The following SGCZ variants were observed in gnomAD, a reference collection of about 807,000 sequenced individuals.
SGCZ encodes sarcoglycan zeta.
SGCZ carries 40 observed loss-of-function variants against 41.3 expected under a neutral mutation model. That is an observed-to-expected ratio of 0.97 (90% CI 0.75 to 1.26). The LOEUF (loss-of-function observed/expected upper bound fraction) is 1.26, where lower values mean the gene tolerates loss of function less well. SGCZ is among the 50% of genes most tolerant of loss of function. The pLI is 0.00. For synonymous variants in SGCZ, 206 were observed against 137.5 expected (o/e 1.50, Z -3.49); for missense variants, 552 against 369.8 (o/e 1.49, Z -4.04).
intron 1 of SGCZ, among the ~76,000 whole-genome samples, chr8:14,953,813 A>G (rs1800717290): frequency 6.6e-6 from 1 of 152,234 alleles, no homozygotes; most frequent in African/African-American, 2.4e-5. Context: ...CTCAAGCAAT[A>G]TACACTATTA....
At chr8:14,335,916 G>A (rs906842346) in intron 2 of SGCZ, among the ~76,000 whole-genome samples, 5 of 151,734 alleles carry the variant, frequency 3.3e-5, no homozygotes, top group African/African-American at 9.7e-5. Context: ...TTTTACAACC[G>A]TATTTTTTAA....
At chr8:14,417,255 T>A (rs547859969) in intron 2 of SGCZ, among the ~76,000 whole-genome samples, 1 of 152,000 alleles carries the variant, frequency 6.6e-6, no homozygotes, top group Admixed American at 6.6e-5. Flanking sequence ...GCAAGTATAG[T>A]CCAAAATGGA....
intron 1 of SGCZ, among the ~76,000 whole-genome samples, chr8:15,171,763 G>C (rs137963245): frequency 2.0e-5 from 3 of 152,110 alleles, no homozygotes. Context: ...TCTCAGATGT[G>C]GTATGTGTCG....
At chr8:14,665,077 A>G (rs1434503426) in intron 1 of SGCZ, among the ~76,000 whole-genome samples, 1 of 152,224 alleles carries the variant, frequency 6.6e-6, no homozygotes, top group Non-Finnish European at 1.5e-5. Context: ...GGTTTGTTAC[A>G]TATGTATACA....
chr8:14,465,129 C>T lies in SGCZ; in HGVS notation c.234+89603G>A, dbSNP rs189164941. On this transcript the variant is annotated intron_variant, in intron 2 of 7. Transcript: ENST00000382080. The stretch of plus-strand genomic sequence containing the variant: ...ATTGTTCATGTCCCCTAATTCCTTA[C>T]TTCTGATGTTTCTCCCTATTATTGA... Among the ~76,000 whole-genome samples, 533 of 151,710 alleles carry T rather than the reference C, an allele frequency of 3.5e-3. 2 individuals are homozygous for T. The highest frequency in any genetic ancestry group is 8.6e-3 in the Admixed American group (130 of 15,180).
intron 1 of SGCZ, among the ~76,000 whole-genome samples, chr8:15,034,371 G>C (rs1803794517): frequency 6.6e-6 from 1 of 152,008 alleles, no homozygotes; most frequent in Admixed American, 6.6e-5. Context: ...GCAGAAAAAA[G>C]ATCCTGTGAA....
chr8:14,972,499 A>G (rs542745696), intron 1 of SGCZ, among the ~76,000 whole-genome samples: 1 of 152,302 alleles, frequency 6.6e-6, no homozygotes, highest in Admixed American at 6.5e-5. Flanking sequence ...AGACCATTAA[A>G]TGTAATGTGA....
intron 1 of SGCZ, among the ~76,000 whole-genome samples, chr8:14,632,758 T>C (rs888733057): frequency 1.3e-5 from 2 of 152,036 alleles, no homozygotes; most frequent in African/African-American, 4.8e-5. Flanking sequence ...ATTCTATTTC[T>C]ATATTGATTT....
At chr8:14,217,908 G>A (rs767922104) in intron 4 of SGCZ, among the ~76,000 whole-genome samples, 26 of 152,046 alleles carry the variant, frequency 1.7e-4, no homozygotes, top group Non-Finnish European at 3.2e-4. Flanking sequence ...TGGGATTACA[G>A]GTGTGAGCCA....
At chr8:15,149,329 T>C (rs1329817238) in intron 1 of SGCZ, among the ~76,000 whole-genome samples, 3 of 152,176 alleles carry the variant, frequency 2.0e-5, no homozygotes, top group Non-Finnish European at 4.4e-5. Flanking sequence ...AGGATTGGTG[T>C]GCAGAATAAA....
At chr8:14,169,455 C>A (rs1282268957) in intron 4 of SGCZ, among the ~76,000 whole-genome samples, 1 of 152,082 alleles carries the variant, frequency 6.6e-6, no homozygotes, top group Non-Finnish European at 1.5e-5. Flanking sequence ...AATTAAGGGG[C>A]CAATCCTTGA....
At chr8:14,627,432 T>A (rs1585136385) in intron 1 of SGCZ, among the ~76,000 whole-genome samples, 1 of 152,118 alleles carries the variant, frequency 6.6e-6, no homozygotes, top group African/African-American at 2.4e-5. Flanking sequence ...TGATCCATTG[T>A]GTTTCTTCTT....
chr8:14,238,350 G>A (rs1294080580), intron 3 of SGCZ, among the ~76,000 whole-genome samples: 1 of 152,056 alleles, frequency 6.6e-6, no homozygotes, highest in Non-Finnish European at 1.5e-5. Context: ...TGTTGACTGA[G>A]TAGATAAAAA....
intron 1 of SGCZ, among the ~76,000 whole-genome samples, chr8:14,778,213 G>A (rs1236126085): frequency 6.6e-6 from 1 of 152,102 alleles, no homozygotes; most frequent in African/African-American, 2.4e-5. Flanking sequence ...GCATGAGCCA[G>A]CTAAAAATCT....
At chr8:14,659,543 G>T (rs1807681222) in intron 1 of SGCZ, among the ~76,000 whole-genome samples, 1 of 151,976 alleles carries the variant, frequency 6.6e-6, no homozygotes. Flanking sequence ...TAATAATTTT[G>T]GTAGCCAAAT....
In SGCZ at chr8:14,942,552, C is replaced by G. The variant is rs544504740; in HGVS notation, c.39+295033G>C. Among the ~76,000 whole-genome samples the G allele has an allele frequency of 5.3e-5, 8 of 152,204 alleles. No homozygotes were observed. In the Middle Eastern group the frequency reaches 0.01, roughly 194 times the overall value. On this transcript the variant is annotated intron_variant, in intron 1 of 7. Coordinates refer to ENST00000382080, the MANE Select transcript of SGCZ (RefSeq NM_139167.4). ...CTTACATTTAAGGCCAGTTAAAGCTCCAAATATTTGAATATATCTAAGGAA... is the reference window on the plus strand; with the variant it reads ...CTTACATTTAAGGCCAGTTAAAGCTGCAAATATTTGAATATATCTAAGGAA...
At chr8:14,479,734 T>TTC (rs1801473752) in intron 2 of SGCZ, among the ~76,000 whole-genome samples, 1 of 16,294 alleles carries the variant, frequency 6.1e-5, no homozygotes, top group African/African-American at 1.6e-4. Context: ...TCTACTTCTT[T>TTC]TTTTTTTTTT....
chr8:14,579,149 C>A (rs1283760154), intron 1 of SGCZ, among the ~76,000 whole-genome samples: 3 of 152,008 alleles, frequency 2.0e-5, no homozygotes, highest in Non-Finnish European at 2.9e-5. Flanking sequence ...GATCTTAGGC[C>A]CATTTCTCAT....
intron 1 of SGCZ, among the ~76,000 whole-genome samples, chr8:14,939,747 C>G (rs558763893): frequency 6.6e-5 from 10 of 152,176 alleles, no homozygotes; most frequent in African/African-American, 2.2e-4. Context: ...CCAGGTAAGA[C>G]CGGCGCAAAC....
Sources: allele counts gnomAD v4.1 joint callset (sites outside exome capture counted in the v4.1 genomes callset), GRCh38; gene constraint gnomAD v4.1.1; transcripts MANE v1.5; gene names NCBI Gene and HGNC (gene_info 2026-07-23, HGNC 2026-07-21).